The following AGBL1 variants were observed in gnomAD, a reference collection of about 807,000 sequenced individuals.
AGBL1 encodes AGBL carboxypeptidase 1, also known as cytosolic carboxypeptidase 4.
A neutral mutation model predicts 118.9 loss-of-function variants in AGBL1; 130 were observed. The observed-to-expected ratio is 1.09, with a 90% CI of 0.95 to 1.26. The LOEUF is 1.26. AGBL1 is among the 50% of genes most tolerant of loss of function. AGBL1 has a pLI of 0.00. For synonymous variants in AGBL1, 555 were observed against 478.9 expected (o/e 1.16, Z -2.08); for missense variants, 1,584 against 1,298.1 (o/e 1.22, Z -3.38).
At chr15:86,645,160 G>C (rs953785515) in intron 21 of AGBL1, among the ~76,000 whole-genome samples, 2 of 152,126 alleles carry the variant, frequency 1.3e-5, no homozygotes, top group Non-Finnish European at 2.9e-5. Flanking sequence ...TTGTGAAATG[G>C]TGTGGTTATA....
intron 24 of AGBL1, among the ~76,000 whole-genome samples, chr15:87,001,885 G>T (rs554653324): frequency 3.8e-4 from 58 of 152,030 alleles, no homozygotes; most frequent in African/African-American, 1.2e-3. Context: ...TTAGCCCTTT[G>T]TCAGATGACT....
intron 1 of AGBL1, among the ~76,000 whole-genome samples, chr15:86,125,294 C>T (rs1028973267): frequency 1.3e-5 from 2 of 152,210 alleles, no homozygotes; most frequent in African/African-American, 4.8e-5. Flanking sequence ...CACTGTCCAT[C>T]ACTATTAATC....
Position 87,010,304 on chromosome 15 carries a change from T to C in AGBL1, c.3324-18521T>C, listed in dbSNP as rs138113719. ...TTCACCTGCCGCCCTCCATGTAAGA[T>C]TGACTTGCTCCTCCTTGCCTTCTGC... On this transcript the variant is annotated intron_variant, in intron 24 of 24. Coordinates refer to the AGBL1 transcript ENST00000441037. 3.0e-3 allele frequency among the ~76,000 whole-genome samples: 452 copies of C among 152,278 alleles called. 1 individual carries two copies. The highest frequency in any genetic ancestry group is 6.8e-3 in the Middle Eastern group (2 of 294).
intron 24 of AGBL1, among the ~76,000 whole-genome samples, chr15:87,015,075 C>T (rs189693311): frequency 2.0e-5 from 3 of 152,256 alleles, no homozygotes; most frequent in East Asian, 3.9e-4. Context: ...TTCTCTCTTT[C>T]TTCAGGAAAG....
chr15:86,146,715 C>T (rs950644790), intron 3 of AGBL1, among the ~76,000 whole-genome samples: 2 of 152,188 alleles, frequency 1.3e-5, no homozygotes, highest in African/African-American at 2.4e-5. Context: ...TAGTCCTTGA[C>T]ACTGACATTC....
intron 16 of AGBL1, among the ~76,000 whole-genome samples, chr15:86,292,673 T>C (rs1425041836): frequency 2.6e-5 from 4 of 152,108 alleles, no homozygotes; most frequent in African/African-American, 9.7e-5. Flanking sequence ...TATTTTAATG[T>C]GGGGGCATTG....
intron 23 of AGBL1, among the ~76,000 whole-genome samples, chr15:86,978,299 G>T (rs138289999): frequency 1.6e-3 from 243 of 152,208 alleles, no homozygotes; most frequent in African/African-American, 5.6e-3. Context: ...AGGGGAATAG[G>T]GTCAATGGAA....
chr15:86,301,064 T>C (rs1003856122), intron 17 of AGBL1, among the ~76,000 whole-genome samples: 1 of 152,182 alleles, frequency 6.6e-6, no homozygotes, highest in Non-Finnish European at 1.5e-5. Flanking sequence ...CTAAGCCTCC[T>C]GATCAGGTGT....
At chr15:86,236,099 G>T (rs2078537763) in intron 6 of AGBL1, among the ~76,000 whole-genome samples, 1 of 152,134 alleles carries the variant, frequency 6.6e-6, no homozygotes, top group South Asian at 2.1e-4. Context: ...TTTTTTGAAA[G>T]AAATGAATGT....
intron 16 of AGBL1, among the ~76,000 whole-genome samples, chr15:86,282,368 A>G (rs544624604): frequency 3.3e-5 from 5 of 152,322 alleles, no homozygotes; most frequent in Middle Eastern, 6.8e-3. Context: ...ATTAATTACA[A>G]TAAGTTATAA....
intron 23 of AGBL1, among the ~76,000 whole-genome samples, chr15:86,981,255 A>G (rs2081229646): frequency 6.6e-6 from 1 of 152,178 alleles, no homozygotes; most frequent in Non-Finnish European, 1.5e-5. Flanking sequence ...AGAATGTATG[A>G]ATATTTTAAA....
intron 23 of AGBL1, among the ~76,000 whole-genome samples, chr15:86,969,549 G>A (rs1779574230): frequency 6.6e-6 from 1 of 152,042 alleles, no homozygotes; most frequent in African/African-American, 2.4e-5. Context: ...TCATCAGTCT[G>A]CATGTGGGTG....
At chr15:86,453,141 T>C (rs2082216390) in intron 18 of AGBL1, among the ~76,000 whole-genome samples, 1 of 152,188 alleles carries the variant, frequency 6.6e-6, no homozygotes, top group Non-Finnish European at 1.5e-5. Flanking sequence ...GACTCTATCC[T>C]CAGCTTCTAG....
chr15:86,719,565 G>C (rs1567138734), intron 22 of AGBL1, among the ~76,000 whole-genome samples: 1 of 152,078 alleles, frequency 6.6e-6, no homozygotes, highest in Non-Finnish European at 1.5e-5. Flanking sequence ...TTTTCTCTCA[G>C]ATCACTAGGG....
intron 16 of AGBL1, among the ~76,000 whole-genome samples, chr15:86,290,683 A>T (rs1567180715): frequency 2.0e-5 from 3 of 150,636 alleles, no homozygotes; most frequent in African/African-American, 4.9e-5. Context: ...TTTTTTATTT[A>T]TTTTTTTTAT....
At chr15:86,625,984 G>C (rs1032956529) in intron 21 of AGBL1, among the ~76,000 whole-genome samples, 4 of 152,174 alleles carry the variant, frequency 2.6e-5, no homozygotes, top group Non-Finnish European at 5.9e-5. Context: ...GAGTCATAAA[G>C]AATAGTAGAG....
chr15:86,981,251 TATGA>T (rs2081229597), intron 23 of AGBL1, among the ~76,000 whole-genome samples: 6 of 152,228 alleles, frequency 3.9e-5, no homozygotes, highest in Admixed American at 3.9e-4. Flanking sequence ...AACCAGAATG[TATGA>T]ATATTTTAAA....
intron 22 of AGBL1, among the ~76,000 whole-genome samples, chr15:86,854,904 G>C (rs184617925): frequency 2.6e-5 from 4 of 152,156 alleles, no homozygotes; most frequent in African/African-American, 9.6e-5. Context: ...AACTGCCCTC[G>C]ATCTCCATCA....
At chr15:86,514,084 C>T (rs1385311118) in intron 18 of AGBL1, among the ~76,000 whole-genome samples, 1 of 151,550 alleles carries the variant, frequency 6.6e-6, no homozygotes, top group Non-Finnish European at 1.5e-5. Flanking sequence ...TAGTATTTCT[C>T]GGTTCTTCTA....
Sources: gnomAD v4.1 joint callset for allele counts (sites outside exome capture counted in the v4.1 genomes callset) on GRCh38, gnomAD v4.1.1 for gene constraint, MANE v1.5 for transcripts, NCBI Gene and HGNC (gene_info 2026-07-23, HGNC 2026-07-21) for gene names.